The following ADAMTSL3 variants were observed in gnomAD, a reference collection of about 807,000 sequenced individuals.
The protein encoded by ADAMTSL3 is ADAMTS like 3.
In ADAMTSL3, 128 loss-of-function variants were observed where a neutral mutation model predicts 201.7. The observed-to-expected ratio is 0.63, with a 90% CI of 0.55 to 0.73. The LOEUF is 0.73. Among genes scored for constraint, ADAMTSL3 ranks in the 30% least tolerant of loss-of-function variants. The probability of loss-of-function intolerance (pLI) is 0.00; values close to 1 mark genes in which losing one functional copy is unlikely to be tolerated. For missense variants in ADAMTSL3, 1,990 were observed against 2,119.6 expected, an observed-to-expected ratio of 0.94 and a Z score of 1.20; for synonymous variants, 738 against 748.4, an observed-to-expected ratio of 0.99 and a Z score of 0.23.
At chr15:83,927,238 T>C (rs2066266339) in intron 17 of ADAMTSL3, among the ~76,000 whole-genome samples, 1 of 152,162 alleles carries the variant, frequency 6.6e-6, no homozygotes, top group African/African-American at 2.4e-5. Context: ...TGCCTGAGCT[T>C]CCTGAGTAGC....
rs187339918 is a variant in ADAMTSL3 at position 83,794,816 on chromosome 15, T to A, written c.318-9834T>A. On this transcript the variant is annotated intron_variant, in intron 4 of 29. Transcript: ENST00000286744. ...ACCTTTGAGGGATCCATGGGGTCTCTTTTTATTATTTTCCTACAAATGCAT... is the reference window on the plus strand; with the variant it reads ...ACCTTTGAGGGATCCATGGGGTCTCATTTTATTATTTTCCTACAAATGCAT... Among the ~76,000 whole-genome samples, 4 of 152,252 alleles carry A rather than the reference T, an allele frequency of 2.6e-5. No homozygotes were observed. In the East Asian group the frequency reaches 7.7e-4, roughly 29 times the overall value.
At chr15:83,770,649 T>G (rs2062966908) in intron 3 of ADAMTSL3, among the ~76,000 whole-genome samples, 1 of 152,220 alleles carries the variant, frequency 6.6e-6, no homozygotes, top group Admixed American at 6.5e-5. Flanking sequence ...TGTAGGTATA[T>G]CCAAGATTAA....
chr15:84,037,838 G>C lies in ADAMTSL3; in HGVS notation c.*32G>C, dbSNP rs1260402769. ...GGAGGGGTCATGATGCTGCTGTGAAGATAAAAGTAGAATATAAAAGCTCTT... is the reference window on the plus strand; with the variant it reads ...GGAGGGGTCATGATGCTGCTGTGAACATAAAAGTAGAATATAAAAGCTCTT... On this transcript the variant is annotated 3_prime_UTR_variant, in exon 30 of 30. Transcript: ENST00000286744. 1.3e-6 allele frequency: 2 copies of C among 1,581,024 alleles called. No individual in the cohort carries two copies. The highest frequency in any genetic ancestry group is 1.7e-6 in the Non-Finnish European group (2 of 1,171,234).
chr15:83,718,170 A>C (rs563493996), intron 3 of ADAMTSL3, among the ~76,000 whole-genome samples: 2 of 152,300 alleles, frequency 1.3e-5, no homozygotes, highest in African/African-American at 2.4e-5. Context: ...CAATGAGCAA[A>C]TGGCCAACTT....
rs1335161312 is a variant in ADAMTSL3 at position 83,914,810 on chromosome 15, G to A, written c.1987+1432G>A. On this transcript the variant is annotated intron_variant, in intron 16 of 29. Coordinates refer to ENST00000286744, the MANE Select transcript of ADAMTSL3 (RefSeq NM_207517.3). ...GCCTGCTCTTGAGTTCAGAACCCTG[G>A]ACACGTTTTTGTTTGTTTGTTGTTT... is the stretch of plus-strand genomic sequence containing the variant. Among the ~76,000 whole-genome samples, 5 of 152,110 alleles carry A rather than the reference G, an allele frequency of 3.3e-5. No individual in the cohort carries two copies. In the East Asian group the frequency reaches 9.7e-4, roughly 29 times the overall value.
intron 22 of ADAMTSL3, 61 bp downstream of exon 22, chr15:83,988,879 A>ATTTTTTTTT: frequency 9.5e-7 from 1 of 1,052,972 alleles, no homozygotes; most frequent in Non-Finnish European, 1.2e-6. Context: ...TTATTTATTT[A>ATTTTTTTTT]TTTATTTATT....
chr15:83,771,422 C>T lies in ADAMTSL3; in HGVS notation c.190-2101C>T, dbSNP rs138415932. ...ATTTTGCATGGTTGAAACTTTATAC[C>T]CATTGGACAGTAACTCTTCATTTCC... is the stretch of plus-strand genomic sequence containing the variant. On this transcript the variant is annotated intron_variant, in intron 3 of 29. Transcript: ENST00000286744. 4.1e-3 allele frequency among the ~76,000 whole-genome samples: 631 copies of T among 152,152 alleles called. 1 individual carries two copies. The highest frequency in any genetic ancestry group is 6.6e-3 in the Non-Finnish European group (449 of 67,986).
chr15:83,968,270 T>A (rs2067126376), intron 19 of ADAMTSL3, among the ~76,000 whole-genome samples: 1 of 152,182 alleles, frequency 6.6e-6, no homozygotes, highest in African/African-American at 2.4e-5. Context: ...AGAAAAATTT[T>A]GCAATCTATC....
chr15:83,742,076 T>G (rs1347830516), intron 3 of ADAMTSL3, among the ~76,000 whole-genome samples: 2 of 152,174 alleles, frequency 1.3e-5, no homozygotes, highest in Admixed American at 6.5e-5. Context: ...CGAAAAAAAT[T>G]ACTATATATT....
At chr15:83,777,012 C>A (rs2141767840) in intron 4 of ADAMTSL3, among the ~76,000 whole-genome samples, 1 of 152,328 alleles carries the variant, frequency 6.6e-6, no homozygotes, top group South Asian at 2.1e-4. Context: ...AGCCAGCATC[C>A]CACCCTGGGC....
chr15:83,745,297 G>T (rs2062527102), intron 3 of ADAMTSL3, among the ~76,000 whole-genome samples: 1 of 152,120 alleles, frequency 6.6e-6, no homozygotes, highest in Admixed American at 6.5e-5. Flanking sequence ...ATTTTTCCTG[G>T]ACGCTGGACA....
At chr15:83,691,556 T>C (rs1262826118) in intron 2 of ADAMTSL3, among the ~76,000 whole-genome samples, 1 of 152,222 alleles carries the variant, frequency 6.6e-6, no homozygotes, top group Non-Finnish European at 1.5e-5. Context: ...TTTCCAAATA[T>C]CTACTACTAA....
At chr15:83,690,999 C>T (rs1313652749) in intron 2 of ADAMTSL3, among the ~76,000 whole-genome samples, 3 of 152,118 alleles carry the variant, frequency 2.0e-5, no homozygotes, top group Non-Finnish European at 4.4e-5. Context: ...AATGTTGATT[C>T]TTTTATCGTG....
At chr15:84,025,579 C>T (rs1000505256) in intron 27 of ADAMTSL3, 143 bp downstream of exon 27, 2 of 774,682 alleles carry the variant, frequency 2.6e-6, no homozygotes, top group African/African-American at 3.5e-5. Context: ...ATGTCTTTGA[C>T]CTCAAGGTTT....
intron 6 of ADAMTSL3, among the ~76,000 whole-genome samples, chr15:83,827,471 C>A (rs2064050139): frequency 6.6e-6 from 1 of 152,158 alleles, no homozygotes; most frequent in Admixed American, 6.5e-5. Context: ...TGCCTGTTCA[C>A]TCTGATGGTA....
At chr15:83,773,377 C>T in intron 3 of ADAMTSL3, 146 bp from the exon 4 acceptor site, 1 of 887,974 alleles carries the variant, frequency 1.1e-6, no homozygotes, top group Non-Finnish European at 1.7e-6. Flanking sequence ...CATTGCACTC[C>T]TGGGCAATAA....
At chr15:83,978,297 G>A (rs985321804) in intron 20 of ADAMTSL3, among the ~76,000 whole-genome samples, 12 of 152,300 alleles carry the variant, frequency 7.9e-5, no homozygotes, top group South Asian at 2.1e-4. Flanking sequence ...GACTGGGTGT[G>A]GCAGACTGCA....
intron 3 of ADAMTSL3, among the ~76,000 whole-genome samples, chr15:83,737,303 T>G (rs899870287): frequency 6.6e-6 from 1 of 152,106 alleles, no homozygotes; most frequent in Non-Finnish European, 1.5e-5. Context: ...ATAATTGATA[T>G]GGTTAGGTTT....
intron 3 of ADAMTSL3, among the ~76,000 whole-genome samples, chr15:83,763,033 C>T (rs1036442331): frequency 1.3e-5 from 2 of 152,120 alleles, no homozygotes; most frequent in African/African-American, 4.8e-5. Context: ...ACTACAAGTG[C>T]ACACCATTAC....
Sources: allele counts gnomAD v4.1 joint callset (sites outside exome capture counted in the v4.1 genomes callset), GRCh38; gene constraint gnomAD v4.1.1; transcripts MANE v1.5; gene names NCBI Gene and HGNC (gene_info 2026-07-23, HGNC 2026-07-21).